Variants in USP34 observed in about 807,000 individuals in gnomAD.
USP34 encodes ubiquitin carboxyl-terminal hydrolase 34.
Under a neutral mutation model 460.3 loss-of-function variants are expected in USP34, and 70 were observed. The ratio of observed to expected loss-of-function variants is 0.15; its 90% CI spans 0.13 to 0.19. USP34 has a LOEUF of 0.19. USP34 is among the 10% of genes least tolerant of loss of function. The pLI, the probability that USP34 is intolerant of heterozygous loss-of-function variation, is 1.00. For synonymous variants in USP34, 1,647 were observed against 1,405.3 expected (o/e 1.17, Z -3.85); for missense variants, 3,985 against 4,236.2 (o/e 0.94, Z 1.65).
At chr2:61,357,056 A>G (rs1223492509) in intron 10 of USP34, among the ~76,000 whole-genome samples, 1 of 152,174 alleles carries the variant, frequency 6.6e-6, no homozygotes, top group Admixed American at 6.5e-5. Context: ...AATCATAAAC[A>G]AGGAAATAGA....
intron 19 of USP34, 22 bp downstream of exon 19, chr2:61,333,860 C>T (rs1691342400): frequency 1.4e-6 from 2 of 1,435,996 alleles, no homozygotes; most frequent in South Asian, 1.5e-5. Flanking sequence ...AAAATAAATA[C>T]TTTTTTCTTT....
chr2:61,348,963 T>C, intron 13 of USP34, 77 bp from the exon 14 acceptor site: 1 of 1,458,428 alleles, frequency 6.9e-7, no homozygotes, highest in Non-Finnish European at 9.1e-7. Context: ...TATCATTTGA[T>C]TCCTTGACCT....
intron 1 of USP34, among the ~76,000 whole-genome samples, chr2:61,421,216 G>C (rs946663837): frequency 3.3e-5 from 5 of 152,182 alleles, no homozygotes; most frequent in African/African-American, 1.2e-4. Flanking sequence ...AGAGACCAAA[G>C]ACTTGTCAGC....
chr2:61,361,405 G>C (rs142240958), intron 10 of USP34, among the ~76,000 whole-genome samples: 21 of 152,208 alleles, frequency 1.4e-4, no homozygotes, highest in African/African-American at 5.1e-4. Flanking sequence ...CTGGACAACA[G>C]AGCAAGACCC....
intron 5 of USP34, among the ~76,000 whole-genome samples, chr2:61,391,618 C>T (rs1394045933): frequency 6.6e-6 from 1 of 152,120 alleles, no homozygotes; most frequent in Non-Finnish European, 1.5e-5. Context: ...AGAGACCTCA[C>T]CCTATTGAAG....
At chr2:61,339,539 C>T in intron 17 of USP34, 27 bp downstream of exon 17, 1 of 1,567,894 alleles carries the variant, frequency 6.4e-7, no homozygotes, top group East Asian at 2.3e-5. Flanking sequence ...AAATTTCTTA[C>T]TCTTCTGGTT....
chr2:61,208,759 T>G, intron 70 of USP34, 140 bp downstream of exon 70: 1 of 428,506 alleles, frequency 2.3e-6, no homozygotes, highest in East Asian at 3.6e-5. Context: ...GGATATAAAT[T>G]CAGGTTTACT....
At chr2:61,287,996 G>C (rs1242000828) in intron 34 of USP34, among the ~76,000 whole-genome samples, 2 of 152,216 alleles carry the variant, frequency 1.3e-5, no homozygotes, top group African/African-American at 4.8e-5. Flanking sequence ...GGTTCTGCCA[G>C]TCTAGGATAC....
chr2:61,239,579 C>A (rs748849844), intron 53 of USP34, among the ~76,000 whole-genome samples: 1 of 152,024 alleles, frequency 6.6e-6, no homozygotes. Context: ...AATTTTTATA[C>A]AAATAGGTAA....
intron 22 of USP34, among the ~76,000 whole-genome samples, 193 bp downstream of exon 22, chr2:61,318,980 T>C (rs1026654094): frequency 6.6e-6 from 1 of 152,092 alleles, no homozygotes; most frequent in African/African-American, 2.4e-5. Flanking sequence ...AACTATTAAT[T>C]TAGAGGTAAA....
intron 41 of USP34, among the ~76,000 whole-genome samples, chr2:61,270,858 A>G (rs1459854149): frequency 3.3e-5 from 5 of 152,232 alleles, no homozygotes; most frequent in Non-Finnish European, 7.3e-5. Flanking sequence ...TATACTTCCT[A>G]AAACATAGGC....
intron 25 of USP34, among the ~76,000 whole-genome samples, chr2:61,312,196 G>A (rs1373545897): frequency 1.4e-5 from 2 of 143,876 alleles, no homozygotes; most frequent in African/African-American, 5.2e-5. Flanking sequence ...AAAGAGAGTA[G>A]AAATATTAAT....
intron 10 of USP34, 52 bp from the exon 11 acceptor site, chr2:61,350,745 A>G (rs557196811): frequency 6.4e-7 from 1 of 1,557,946 alleles, no homozygotes; most frequent in South Asian, 1.2e-5. Flanking sequence ...CAATACATGT[A>G]GATTACCTGA....
chr2:61,229,308 G>C (rs1243906744), intron 59 of USP34, among the ~76,000 whole-genome samples: 1 of 151,450 alleles, frequency 6.6e-6, no homozygotes, highest in Admixed American at 6.6e-5. Context: ...AAAATATTTT[G>C]TAGGCAGGTT....
chr2:61,280,870 T>C (rs1044009223), intron 38 of USP34, among the ~76,000 whole-genome samples: 3 of 152,160 alleles, frequency 2.0e-5, no homozygotes, highest in Non-Finnish European at 1.5e-5. Context: ...AGAGTATCCA[T>C]GAGAGACCAC....
chr2:61,284,923 A>G lies in USP34; in HGVS notation c.4784T>C (p.Ile1595Thr), dbSNP rs769214603. 1.9e-6 allele frequency: 3 copies of G among 1,611,530 alleles called. No individual in the cohort carries two copies. The highest frequency in any genetic ancestry group is 2.5e-6 in the Non-Finnish European group (3 of 1,179,098). ...ATAAGCAACAGACATAAGTCGCTGAATCAAACTGGTTCCTTGGACAAGAAC... is the reference window on the plus strand; with the variant it reads ...ATAAGCAACAGACATAAGTCGCTGAGTCAAACTGGTTCCTTGGACAAGAAC... ...FLVLVQGTSL[I>T]QRLMSVAYTY... is the part of the protein sequence containing the mutation. The change falls in exon 35 of 80, where the codon ATT becomes ACT. Residue 1595 changes from isoleucine to threonine, a missense_variant. This residue lies in a region of USP34 where 1,114 missense variants were observed against 1,122.5 expected (regional missense o/e 0.99). Coordinates refer to ENST00000398571, the MANE Select transcript of USP34 (RefSeq NM_014709.4).
intron 72 of USP34, among the ~76,000 whole-genome samples, chr2:61,204,942 G>C (rs1276662933): frequency 6.6e-6 from 1 of 152,076 alleles, no homozygotes; most frequent in Non-Finnish European, 1.5e-5. Context: ...ACAGCCTTGA[G>C]CTCCTGGGTG....
At chr2:61,365,540 C>T (rs928476563) in intron 10 of USP34, among the ~76,000 whole-genome samples, 5 of 151,886 alleles carry the variant, frequency 3.3e-5, no homozygotes, top group African/African-American at 1.2e-4. Context: ...CAGAATATAA[C>T]ATCCACAAAT....
chr2:61,196,363 T>G (rs1686809594), intron 75 of USP34, among the ~76,000 whole-genome samples: 1 of 151,736 alleles, frequency 6.6e-6, no homozygotes, highest in African/African-American at 2.4e-5. Context: ...GTGCTGGGAT[T>G]ACAGGCGTGA....
Sources: gnomAD v4.1 joint callset for allele counts (sites outside exome capture counted in the v4.1 genomes callset) on GRCh38, gnomAD v4.1.1 for gene constraint, gnomAD v4.1.1 regional missense constraint, MANE v1.5 for transcripts, NCBI Gene and HGNC (gene_info 2026-07-23, HGNC 2026-07-21) for gene names.